Variants in SIK3 observed in about 807,000 individuals in gnomAD.
SIK3 encodes the protein serine/threonine-protein kinase SIK3.
In SIK3, 28 loss-of-function variants were observed where a neutral mutation model predicts 144.2. The ratio of observed to expected loss-of-function variants is 0.19; its 90% CI spans 0.14 to 0.27. The LOEUF is 0.27. SIK3 is among the 10% of genes least tolerant of loss of function. SIK3 has a pLI of 1.00. For synonymous variants in SIK3, 686 were observed against 676.3 expected, an observed-to-expected ratio of 1.01 and a Z score of -0.22; for missense variants, 1,319 against 1,776.0, an observed-to-expected ratio of 0.74 and a Z score of 4.62.
intron 6 of SIK3, among the ~76,000 whole-genome samples, chr11:116,879,812 C>A (rs545602181): frequency 1.3e-5 from 2 of 152,296 alleles, no homozygotes; most frequent in South Asian, 2.1e-4. Context: ...TACAACAGTA[C>A]GCTTTATTAA....
At chr11:116,982,748 C>T (rs1293867051) in intron 1 of SIK3, among the ~76,000 whole-genome samples, 1 of 151,034 alleles carries the variant, frequency 6.6e-6, no homozygotes, top group Non-Finnish European at 1.5e-5. Context: ...AAGGTCAAGA[C>T]ATCAAGGCCA....
At chr11:117,058,366 A>G (rs980573854) in intron 1 of SIK3, among the ~76,000 whole-genome samples, 1 of 152,068 alleles carries the variant, frequency 6.6e-6, no homozygotes, top group Non-Finnish European at 1.5e-5. Flanking sequence ...CTAAAAATAC[A>G]GAAAGTAGCG....
chr11:117,021,940 A>C (rs112619870), intron 1 of SIK3, among the ~76,000 whole-genome samples: 118 of 102,226 alleles, frequency 1.2e-3, no homozygotes, highest in Middle Eastern at 5.4e-3. Context: ...AAAAAAAAAA[A>C]AAAAAAAAAA....
intron 4 of SIK3, among the ~76,000 whole-genome samples, chr11:116,919,411 C>A (rs1946839004): frequency 6.6e-6 from 1 of 152,142 alleles, no homozygotes; most frequent in Non-Finnish European, 1.5e-5. Context: ...TCTATAGTTG[C>A]ATTTCTGATC....
chr11:117,030,347 G>T (rs936572865), intron 1 of SIK3, among the ~76,000 whole-genome samples: 1 of 152,024 alleles, frequency 6.6e-6, no homozygotes, highest in Non-Finnish European at 1.5e-5. Flanking sequence ...GCAACAAAAT[G>T]GAACTACTTT....
At chr11:117,026,482 T>G (rs1412921905) in intron 1 of SIK3, among the ~76,000 whole-genome samples, 1 of 152,186 alleles carries the variant, frequency 6.6e-6, no homozygotes, top group East Asian at 1.9e-4. Context: ...TTGACCATTC[T>G]GAGCTGCTGT....
rs369946593 is a variant in SIK3, at chr11:117,049,781, T to C, written c.273+48362A>G. On this transcript the variant is annotated intron_variant, in intron 1 of 24. Transcript: ENST00000445177. ...GACCAGCCTGGGCAACAAACCGAGA[T>C]ATCATCTCTATACAAATTTTAAAAT... is the stretch of plus-strand genomic sequence containing the variant. 9.7e-4 allele frequency among the ~76,000 whole-genome samples: 145 copies of C among 149,664 alleles called. No homozygotes were observed. In the Middle Eastern group the frequency reaches 0.014, roughly 15 times the overall value.
At chr11:116,896,481 T>C (rs1188516838) in intron 5 of SIK3, 105 bp from the exon 6 acceptor site, 15 of 1,244,652 alleles carry the variant, frequency 1.2e-5, no homozygotes, top group African/African-American at 3.0e-5. Context: ...CATACGATTA[T>C]GGAACAAACT....
intron 1 of SIK3, among the ~76,000 whole-genome samples, chr11:116,975,651 G>C (rs1323567876): frequency 6.6e-6 from 1 of 152,116 alleles, no homozygotes; most frequent in East Asian, 1.9e-4. Context: ...TGGCTATTAT[G>C]AATAATGCTG....
rs543568237 is a variant in SIK3, at chr11:117,085,676, A to G, written c.273+12467T>C. Among the ~76,000 whole-genome samples, 5 of 152,264 alleles carry G rather than the reference A, an allele frequency of 3.3e-5. No homozygotes were observed. The South Asian group carries it at 1.0e-3, about 32-fold the overall frequency. On this transcript the variant is annotated intron_variant, in intron 1 of 24. Transcript: ENST00000445177. The stretch of plus-strand genomic sequence containing the variant: ...ATTTATGTTTGAAATTTTCCACAAT[A>G]CATACTTTTTAAAAGAGTAATGCAT...
chr11:117,041,387 A>C (rs1184328219), intron 1 of SIK3, among the ~76,000 whole-genome samples: 1 of 152,172 alleles, frequency 6.6e-6, no homozygotes, highest in Non-Finnish European at 1.5e-5. Context: ...GGGATCCACA[A>C]GACACTGGTA....
chr11:117,083,526 G>T (rs1426372388), intron 1 of SIK3, among the ~76,000 whole-genome samples: 1 of 152,056 alleles, frequency 6.6e-6, no homozygotes, highest in Non-Finnish European at 1.5e-5. Flanking sequence ...ATGTAGAAAT[G>T]GAAAGTAAGC....
intron 13 of SIK3, 122 bp downstream of exon 13, chr11:116,873,359 C>T (rs781560576): frequency 2.4e-5 from 33 of 1,359,294 alleles, no homozygotes; most frequent in Non-Finnish European, 3.2e-5. Flanking sequence ...CTGGAGCATC[C>T]TAAGTTTGGA....
intron 15 of SIK3, among the ~76,000 whole-genome samples, chr11:116,865,783 T>C (rs1317042094): frequency 1.3e-5 from 2 of 152,150 alleles, no homozygotes; most frequent in Non-Finnish European, 1.5e-5. Context: ...CAAGAACCCA[T>C]GCAGGCCACC....
intron 1 of SIK3, among the ~76,000 whole-genome samples, chr11:117,046,666 C>T (rs1180622001): frequency 1.3e-5 from 2 of 152,036 alleles, no homozygotes; most frequent in African/African-American, 4.8e-5. Context: ...ATCACTTGGG[C>T]CAAGGAGTTC....
At chr11:117,098,076 G>T (rs139589069) in intron 1 of SIK3, 67 bp downstream of exon 1, 3 of 1,247,232 alleles carry the variant, frequency 2.4e-6, no homozygotes, top group Admixed American at 8.1e-5. Context: ...CGACCCCCCG[G>T]CTGGGGGGCG....
chr11:116,877,103 G>C (rs1040679290), intron 6 of SIK3, 61 bp from the exon 7 acceptor site: 8 of 1,458,138 alleles, frequency 5.5e-6, no homozygotes, highest in Non-Finnish European at 6.7e-6. Context: ...GGGGAGTAGA[G>C]GAACCAGGGG....
chr11:117,009,509 A>G (rs1951173415), intron 1 of SIK3, among the ~76,000 whole-genome samples: 1 of 151,202 alleles, frequency 6.6e-6, no homozygotes, highest in Non-Finnish European at 1.5e-5. Flanking sequence ...GCAGTTAGCA[A>G]TGACAGCACT....
Position 116,849,595 on chromosome 11 carries a change from A to C in SIK3, c.3656-312T>G, listed in dbSNP as rs1942269841. On this transcript the variant is annotated intron_variant, in intron 21 of 24. Transcript: ENST00000445177. This position sits in a 1 kb window ranked among gnomAD's most constrained non-coding sequence, Gnocchi z 4.2. ...GTGATCTATTCCCAAACCTAAATGC[A>C]CATGAGAATTACTCTCGGAGCTTTC... is the stretch of plus-strand genomic sequence containing the variant. 2.0e-5 allele frequency among the ~76,000 whole-genome samples: 3 copies of C among 152,216 alleles called. No homozygotes were observed. In the South Asian group the frequency reaches 6.2e-4, roughly 32 times the overall value.
Sources: allele counts gnomAD v4.1 joint callset (sites outside exome capture counted in the v4.1 genomes callset), GRCh38; gene constraint gnomAD v4.1.1; non-coding constraint Gnocchi (gnomAD v3.1); transcripts MANE v1.5; gene names NCBI Gene and HGNC (gene_info 2026-07-23, HGNC 2026-07-21).